Variants in SP4 observed in about 807,000 individuals in gnomAD.
SP4 encodes the protein Sp4 transcription factor, also known as transcription factor Sp4.
In SP4, 19 loss-of-function variants were observed where a neutral mutation model predicts 72.8. The observed-to-expected ratio is 0.26, with a 90% CI of 0.18 to 0.38. The LOEUF (loss-of-function observed/expected upper bound fraction) is 0.38. Among genes scored for constraint, SP4 ranks in the 10% least tolerant of loss-of-function variants. SP4 has a pLI of 1.00. For missense variants in SP4, 1,008 were observed against 926.3 expected (o/e 1.09, Z -1.14); for synonymous variants, 395 against 333.1 (o/e 1.19, Z -2.02).
chr7:21,430,277 A>G lies in SP4; in HGVS notation c.1112A>G (p.Glu371Gly), dbSNP rs1782795612. The G allele has an allele frequency of 1.2e-6, 2 of 1,614,250 alleles. No individual in the cohort carries two copies. Among genetic ancestry groups the G allele is most frequent in the Non-Finnish European group, 1.7e-6 (2 of 1,180,040 alleles). The change falls in exon 3 of 6, where the codon GAA becomes GGA. Residue 371 changes from glutamate to glycine, a missense_variant. This residue lies in a region of SP4 where 893 missense variants were observed against 743.3 expected (regional missense o/e 1.20). Coordinates refer to ENST00000222584, the MANE Select transcript of SP4 (RefSeq NM_003112.5). ...ESQTPAATES[E>G]AQSSSQLQPN... ...CAAACACCTGCTGCTACTGAGTCTGAAGCCCAGAGCTCCAGTCAGCTTCAG... is the reference window on the plus strand; with the variant it reads ...CAAACACCTGCTGCTACTGAGTCTGGAGCCCAGAGCTCCAGTCAGCTTCAG...
chr7:21,434,338 A>C (rs571729849), intron 3 of SP4, among the ~76,000 whole-genome samples: 1 of 152,208 alleles, frequency 6.6e-6, no homozygotes, highest in African/African-American at 2.4e-5. Flanking sequence ...AAAATCATAC[A>C]AGGTAAATCT....
chr7:21,493,526 GAAATAATAA>G (rs201050230), intron 5 of SP4, among the ~76,000 whole-genome samples: 1,692 of 152,140 alleles, frequency 0.011, 13 homozygotes, highest in Admixed American at 0.02. Context: ...AAGAAGTTGG[GAAATAATAA>G]AGAGTAGAAA....
chr7:21,437,998 T>TG (rs1783106091), intron 3 of SP4, among the ~76,000 whole-genome samples: 1 of 150,168 alleles, frequency 6.7e-6, no homozygotes, highest in Admixed American at 6.7e-5. Context: ...TTTAGATATA[T>TG]GAGGGGCTTT....
At position 21,430,840 on chromosome 7, in the gene SP4, G is replaced by A. The variant is rs751130335; in HGVS notation, c.1675G>A (p.Ala559Thr). ...AGTTCCCGTTACAATCACTAGTGTT[G>A]CAGGTAAGTTCTGACATCTTTTTAA... ...QGVPVTITSV[A>T]GQQQGQDGVK... Residue 559 changes from alanine to threonine, a missense_variant, in exon 3 of 6, where the codon GCA becomes ACA. This residue lies in a region of SP4 where 893 missense variants were observed against 743.3 expected (regional missense o/e 1.20). Coordinates refer to ENST00000222584, the MANE Select transcript of SP4 (RefSeq NM_003112.5). 5.6e-6 allele frequency: 9 copies of A among 1,604,974 alleles called. No homozygotes were observed. Among genetic ancestry groups the A allele is most frequent in the Non-Finnish European group, 7.7e-6 (9 of 1,173,914 alleles).
At position 21,461,678 on chromosome 7, in the gene SP4, G is replaced by A. The variant is rs377292711; in HGVS notation, c.1679-15401G>A. On this transcript the variant is annotated intron_variant, in intron 3 of 5. Coordinates refer to ENST00000222584, the MANE Select transcript of SP4 (RefSeq NM_003112.5). ...AGCCAGCTGCAGCCTCGGCCAGCCC[G>A]GAGAAGGGCTCCCACGATGCAGCGG... is the stretch of plus-strand genomic sequence containing the variant. 5.9e-5 allele frequency among the ~76,000 whole-genome samples: 9 copies of A among 152,320 alleles called. No homozygotes were observed. The East Asian group carries it at 7.7e-4, about 13-fold the overall frequency.
intron 3 of SP4, among the ~76,000 whole-genome samples, chr7:21,461,205 A>G (rs1480188409): frequency 6.6e-6 from 1 of 152,138 alleles, no homozygotes; most frequent in Non-Finnish European, 1.5e-5. Flanking sequence ...CGCACTCCTC[A>G]GCCCTTGGGC....
chr7:21,454,230 C>T (rs1783688264), intron 3 of SP4, among the ~76,000 whole-genome samples: 1 of 152,062 alleles, frequency 6.6e-6, no homozygotes, highest in South Asian at 2.1e-4. Context: ...GTCTTCAGGC[C>T]TTATGTAGCT....
At chr7:21,456,703 G>A (rs1479717623) in intron 3 of SP4, among the ~76,000 whole-genome samples, 2 of 152,202 alleles carry the variant, frequency 1.3e-5, no homozygotes, top group South Asian at 2.1e-4. Context: ...GGAAAGAGCC[G>A]ATTTTAGTTG....
intron 5 of SP4, among the ~76,000 whole-genome samples, chr7:21,490,600 A>T (rs1784950113): frequency 6.6e-6 from 1 of 152,226 alleles, no homozygotes; most frequent in Admixed American, 6.5e-5. Context: ...CTAGAAGGTG[A>T]GACAACTGGA....
chr7:21,436,191 G>C (rs183732062), intron 3 of SP4, among the ~76,000 whole-genome samples: 2 of 152,152 alleles, frequency 1.3e-5, no homozygotes, highest in African/African-American at 4.8e-5. Flanking sequence ...GAGGCACTGT[G>C]TCTGGCTGAA....
chr7:21,438,706 A>T (rs1783131625), intron 3 of SP4, among the ~76,000 whole-genome samples: 1 of 151,992 alleles, frequency 6.6e-6, no homozygotes, highest in African/African-American at 2.4e-5. Context: ...TCTAGAAAAA[A>T]ACAATTTACA....
At chr7:21,476,157 C>G (rs751024580) in intron 3 of SP4, among the ~76,000 whole-genome samples, 1 of 151,538 alleles carries the variant, frequency 6.6e-6, no homozygotes, top group African/African-American at 2.4e-5. Flanking sequence ...GCCTGTCATC[C>G]CAGCTACTAG....
At chr7:21,490,762 G>T (rs1425093297) in intron 5 of SP4, among the ~76,000 whole-genome samples, 2 of 152,146 alleles carry the variant, frequency 1.3e-5, no homozygotes, top group Admixed American at 1.3e-4. Context: ...CCACAGCAAA[G>T]GCCTCAAGAA....
Position 21,428,188 on chromosome 7 carries a change from G to GGGCCCCCCCCCCCCCCCC in SP4, c.-64_-63insGGCCCCCCCCCCCCCCCC. On this transcript the variant is annotated 5_prime_UTR_variant, in exon 1 of 6. Transcript: ENST00000222584. ...CGGGACCGGCCTCTCCTCCCGCCTC[G>GGGCCCCCCCCCCCCCCCC]CCCCCACCCCCACCCACCTCTATCC... 1 of 371,884 alleles carries GGGCCCCCCCCCCCCCCCC rather than the reference G, an allele frequency of 2.7e-6. No homozygotes were observed. The highest frequency in any genetic ancestry group is 6.6e-5 in the East Asian group (1 of 15,052). The allele number at this position is 371,884 out of a possible 1,614,324, so 23.0% of individuals were successfully genotyped here.
intron 3 of SP4, among the ~76,000 whole-genome samples, chr7:21,476,869 C>T (rs1467584472): frequency 6.6e-6 from 1 of 152,024 alleles, no homozygotes; most frequent in East Asian, 1.9e-4. Context: ...GTATATAGTT[C>T]CGTTATCTAG....
At position 21,446,030 on chromosome 7, in the gene SP4, G is replaced by T. The variant is rs563195749; in HGVS notation, c.1678+15187G>T. 2.2e-5 allele frequency among the ~76,000 whole-genome samples: 3 copies of T among 134,756 alleles called. No homozygotes were observed. In the South Asian group the frequency reaches 7.3e-4, roughly 33 times the overall value. 88.4% of individuals were successfully genotyped at this position (134,756 alleles called of 152,430 possible). On this transcript the variant is annotated intron_variant, in intron 3 of 5. Transcript: ENST00000222584. ...TGTGTGTGTGTGTGTGTGTGTGTGT[G>T]CACGCATATGTAGGTAGATATATAT...
chr7:21,492,232 A>G (rs572021172), intron 5 of SP4, among the ~76,000 whole-genome samples: 1 of 152,302 alleles, frequency 6.6e-6, no homozygotes, highest in African/African-American at 2.4e-5. Context: ...GAAAAGTTAG[A>G]TATATACCAA....
chr7:21,460,907 T>G (rs1783947901), intron 3 of SP4, among the ~76,000 whole-genome samples: 1 of 152,118 alleles, frequency 6.6e-6, no homozygotes, highest in African/African-American at 2.4e-5. Flanking sequence ...GATTGGTGCA[T>G]TCACAATCCC....
chr7:21,479,876 T>C (rs889149422), intron 4 of SP4, among the ~76,000 whole-genome samples: 1 of 152,234 alleles, frequency 6.6e-6, no homozygotes, highest in Non-Finnish European at 1.5e-5. Flanking sequence ...GATGCTATTA[T>C]AAGTTGAACT....
Sources: gnomAD v4.1 joint callset for allele counts (sites outside exome capture counted in the v4.1 genomes callset) on GRCh38, gnomAD v4.1.1 for gene constraint, gnomAD v4.1.1 regional missense constraint, MANE v1.5 for transcripts, NCBI Gene and HGNC (gene_info 2026-07-23, HGNC 2026-07-21) for gene names.